Variants in NFIA observed in about 807,000 individuals in gnomAD.
NFIA encodes nuclear factor 1 A-type.
A neutral mutation model predicts 62.8 loss-of-function variants in NFIA; 8 were observed. The ratio of observed to expected loss-of-function variants is 0.13; its 90% CI spans 0.07 to 0.23. The LOEUF (loss-of-function observed/expected upper bound fraction) is 0.23. NFIA is among the 10% of genes least tolerant of loss of function. The pLI is 1.00. For missense variants in NFIA, 410 were observed against 642.1 expected (o/e 0.64, Z 3.91); for synonymous variants, 235 against 238.1 (o/e 0.99, Z 0.12).
chr1:61,286,336 G>A (rs1246133227), intron 3 of NFIA, among the ~76,000 whole-genome samples: 1 of 151,106 alleles, frequency 6.6e-6, no homozygotes, highest in African/African-American at 2.4e-5. Flanking sequence ...GCTGAGGCAG[G>A]AGAATGGCAT....
At chr1:61,169,937 G>A (rs530908464) in intron 2 of NFIA, among the ~76,000 whole-genome samples, 4 of 152,164 alleles carry the variant, frequency 2.6e-5, no homozygotes, top group Admixed American at 1.3e-4. Context: ...TTAAATAAAA[G>A]TAATGTTATT....
intron 2 of NFIA, among the ~76,000 whole-genome samples, chr1:61,155,033 C>T (rs962836131): frequency 2.0e-5 from 3 of 152,088 alleles, no homozygotes; most frequent in Admixed American, 6.6e-5. Context: ...TGGAGTGGTT[C>T]CTTAAATCTC....
At chr1:61,398,383 G>T (rs1361243974) in intron 7 of NFIA, among the ~76,000 whole-genome samples, 1 of 152,012 alleles carries the variant, frequency 6.6e-6, no homozygotes, top group Non-Finnish European at 1.5e-5. Flanking sequence ...TTCTTGTGTG[G>T]GTCTTTCTTT....
At chr1:61,139,557 G>C (rs1647343232) in intron 2 of NFIA, among the ~76,000 whole-genome samples, 2 of 152,190 alleles carry the variant, frequency 1.3e-5, no homozygotes, top group Non-Finnish European at 2.9e-5. Context: ...TGGGGAGTTA[G>C]TAGCTGATAC....
At chr1:61,148,428 T>A (rs1303548604) in intron 2 of NFIA, among the ~76,000 whole-genome samples, 1 of 152,224 alleles carries the variant, frequency 6.6e-6, no homozygotes, top group Non-Finnish European at 1.5e-5. Flanking sequence ...CCGCTGGTTC[T>A]TTATGACTTA....
intron 2 of NFIA, among the ~76,000 whole-genome samples, chr1:61,164,661 C>T (rs1649448165): frequency 6.6e-6 from 1 of 152,038 alleles, no homozygotes; most frequent in Non-Finnish European, 1.5e-5. Flanking sequence ...GGGGTTTCAC[C>T]ATGTTAGCCA....
At chr1:61,402,777 A>G (rs1050343718) in intron 7 of NFIA, among the ~76,000 whole-genome samples, 2 of 152,200 alleles carry the variant, frequency 1.3e-5, no homozygotes, top group Non-Finnish European at 2.9e-5. Context: ...CAAGACATGG[A>G]TTGGAAAGTT....
intron 2 of NFIA, among the ~76,000 whole-genome samples, chr1:61,131,704 C>T (rs1647082766): frequency 6.6e-6 from 1 of 152,040 alleles, no homozygotes; most frequent in African/African-American, 2.4e-5. Flanking sequence ...GAACAGGCTA[C>T]TCTATGATAA....
intron 2 of NFIA, among the ~76,000 whole-genome samples, chr1:61,170,833 A>G (rs1649913381): frequency 1.3e-5 from 2 of 152,184 alleles, no homozygotes; most frequent in Admixed American, 6.5e-5. Flanking sequence ...TGCACCCACA[A>G]AGGTGTTTGG....
At chr1:61,195,172 G>A (rs984820773) in intron 2 of NFIA, among the ~76,000 whole-genome samples, 2 of 152,132 alleles carry the variant, frequency 1.3e-5, no homozygotes, top group African/African-American at 4.8e-5. Context: ...CAGTTGCAGG[G>A]ATTCTTGGTG....
At chr1:61,354,337 C>T (rs887459408) in intron 5 of NFIA, among the ~76,000 whole-genome samples, 4 of 152,106 alleles carry the variant, frequency 2.6e-5, no homozygotes, top group East Asian at 1.9e-4. Context: ...GCAGAATTAA[C>T]GATGTACAGG....
chr1:61,314,030 G>T (rs1557700292), intron 3 of NFIA, among the ~76,000 whole-genome samples: 1 of 152,196 alleles, frequency 6.6e-6, no homozygotes. Context: ...TATCTGGCAT[G>T]CAGTGAGCAC....
chr1:61,346,674 T>A (rs894041762), intron 4 of NFIA, among the ~76,000 whole-genome samples: 1 of 152,164 alleles, frequency 6.6e-6, no homozygotes. Flanking sequence ...GACACTTGCA[T>A]CAATCTTCTG....
chr1:61,266,826 C>T (rs1307524659), intron 2 of NFIA, among the ~76,000 whole-genome samples: 1 of 152,206 alleles, frequency 6.6e-6, no homozygotes, highest in East Asian at 1.9e-4. Flanking sequence ...TAGCATGATG[C>T]TTTAACCAGT....
At chr1:61,248,995 CTGTGTA>C (rs1655835929) in intron 2 of NFIA, 2 of 152,180 alleles carry the variant, frequency 1.3e-5, no homozygotes, top group South Asian at 4.1e-4. Flanking sequence ...TGCAACCAAT[CTGTGTA>C]TATCTCCTTT....
At position 61,088,830 on chromosome 1, in the gene NFIA, C is replaced by T; in HGVS notation, c.559+150C>T. ...GTTTCAAAGATTGAGAGAGGTGCCA[C>T]CTTCATTCAGGTGAAAAAGCATAGC... On this transcript the variant is annotated intron_variant, in intron 2 of 10. Transcript: ENST00000403491. The surrounding 1 kb of genome is among the most constrained non-coding windows in gnomAD (Gnocchi z 4.5). The T allele has an allele frequency of 1.1e-6, 1 of 874,892 alleles. No individual in the cohort carries two copies. The highest frequency in any genetic ancestry group is 1.7e-6 in the Non-Finnish European group (1 of 582,456). The allele number at this position is 874,892 out of a possible 1,614,324, so 54.2% of individuals were successfully genotyped here. A position where few individuals can be genotyped will look rare whatever the true frequency, so the allele number is the denominator to read the frequency against.
At chr1:61,302,322 G>C (rs1314292441) in intron 3 of NFIA, among the ~76,000 whole-genome samples, 1 of 152,130 alleles carries the variant, frequency 6.6e-6, no homozygotes, top group Admixed American at 6.5e-5. Context: ...TACAAAAAGA[G>C]GGTTTTGTTC....
chr1:61,314,058 G>A (rs950147609), intron 3 of NFIA, among the ~76,000 whole-genome samples: 5 of 152,148 alleles, frequency 3.3e-5, no homozygotes, highest in Admixed American at 1.3e-4. Context: ...ATATTAGCTC[G>A]TATCACTTTA....
intron 3 of NFIA, among the ~76,000 whole-genome samples, chr1:61,289,480 T>C (rs1014308097): frequency 6.6e-6 from 1 of 152,148 alleles, no homozygotes; most frequent in Non-Finnish European, 1.5e-5. Context: ...GCATAAAGGG[T>C]ATTCAGACTC....
Sources: gnomAD v4.1 joint callset for allele counts (sites outside exome capture counted in the v4.1 genomes callset) on GRCh38, gnomAD v4.1.1 for gene constraint, Gnocchi (gnomAD v3.1) non-coding constraint, MANE v1.5 for transcripts, NCBI Gene and HGNC (gene_info 2026-07-23, HGNC 2026-07-21) for gene names.